CTNNA2: variants seen among roughly 807,000 people sequenced by gnomAD.
The protein encoded by CTNNA2 is catenin alpha 2, also known as catenin alpha-2.
Under a neutral mutation model 101.0 loss-of-function variants are expected in CTNNA2, and 42 were observed. The ratio of observed to expected loss-of-function variants is 0.42; its 90% confidence interval spans 0.32 to 0.54. CTNNA2 has a LOEUF of 0.54. Among genes scored for constraint, CTNNA2 ranks in the 20% least tolerant of loss-of-function variants. CTNNA2 has a pLI of 0.14. For missense variants in CTNNA2, 871 were observed against 1,223.1 expected (o/e 0.71, Z 4.29); for synonymous variants, 450 against 456.4 (o/e 0.99, Z 0.18).
At chr2:79,559,750 A>G (rs1674659800) in intron 1 of CTNNA2, among the ~76,000 whole-genome samples, 3 of 151,888 alleles carry the variant, frequency 2.0e-5, no homozygotes, top group Admixed American at 2.0e-4. Flanking sequence ...AAAAGAGGGC[A>G]GAACTGGAGA....
chr2:79,607,133 G>A (rs950804386), intron 1 of CTNNA2, among the ~76,000 whole-genome samples: 1 of 152,056 alleles, frequency 6.6e-6, no homozygotes, highest in African/African-American at 2.4e-5. Context: ...ATGACTACAC[G>A]AATATTAGAA....
In CTNNA2 at chr2:80,553,965, C is replaced by T. The variant is rs1035076346; in HGVS notation, c.1541-1728C>T. Among the ~76,000 whole-genome samples, 8 of 151,906 alleles carry T rather than the reference C, an allele frequency of 5.3e-5. No individual in the cohort carries two copies. In the East Asian group the frequency reaches 7.7e-4, roughly 15 times the overall value. ...ACTACTTTTTGTGAGTTTTAGAAAT[C>T]GAAATACTAAAATTTAAACGTTTCA... On this transcript the variant is annotated intron_variant, in intron 11 of 18. Coordinates refer to ENST00000402739, the MANE Select transcript of CTNNA2 (RefSeq NM_001282597.3).
At chr2:80,155,530 T>C (rs916881075) in intron 7 of CTNNA2, among the ~76,000 whole-genome samples, 3 of 152,174 alleles carry the variant, frequency 2.0e-5, no homozygotes, top group Admixed American at 6.5e-5. Context: ...TGCCAGTGAC[T>C]TCTTCATTTC....
At chr2:80,214,020 G>C (rs1028982828) in intron 7 of CTNNA2, among the ~76,000 whole-genome samples, 3 of 152,084 alleles carry the variant, frequency 2.0e-5, no homozygotes, top group African/African-American at 7.2e-5. Context: ...TGTTTTATCA[G>C]AGACTAGGAT....
At chr2:79,653,458 T>A (rs1681400512) in intron 2 of CTNNA2, among the ~76,000 whole-genome samples, 1 of 152,154 alleles carries the variant, frequency 6.6e-6, no homozygotes, top group Non-Finnish European at 1.5e-5. Context: ...TCTACAGATC[T>A]TTCTTGGATA....
intron 7 of CTNNA2, among the ~76,000 whole-genome samples, chr2:80,186,508 C>CA (rs1706138433): frequency 6.6e-6 from 1 of 152,198 alleles, no homozygotes; most frequent in African/African-American, 2.4e-5. Flanking sequence ...AGTAGATTGT[C>CA]ACGGCAGGTG....
intron 1 of CTNNA2, among the ~76,000 whole-genome samples, chr2:79,532,544 T>G (rs1672809473): frequency 6.6e-6 from 1 of 152,194 alleles, no homozygotes; most frequent in African/African-American, 2.4e-5. Context: ...AACTAATTGA[T>G]TTTTCTTTCA....
intron 4 of CTNNA2, among the ~76,000 whole-genome samples, chr2:79,399,481 G>A (rs1293306491): frequency 2.6e-5 from 4 of 152,062 alleles, no homozygotes; most frequent in Non-Finnish European, 4.4e-5. Context: ...AAGCATTTAA[G>A]ATGTTCTCTA....
intron 7 of CTNNA2, among the ~76,000 whole-genome samples, chr2:80,218,243 A>G (rs1708383651): frequency 6.6e-6 from 1 of 152,204 alleles, no homozygotes; most frequent in Non-Finnish European, 1.5e-5. Flanking sequence ...TTGGAAGGCA[A>G]GAAGAAAATG....
chr2:80,337,025 C>T (rs1671811167), intron 7 of CTNNA2, among the ~76,000 whole-genome samples: 1 of 152,158 alleles, frequency 6.6e-6, no homozygotes, highest in Non-Finnish European at 1.5e-5. Flanking sequence ...AGGCAAATTA[C>T]CTGGAAATGT....
At chr2:80,187,621 G>GAAA (rs1706213348) in intron 7 of CTNNA2, among the ~76,000 whole-genome samples, 2 of 152,154 alleles carry the variant, frequency 1.3e-5, no homozygotes, top group Admixed American at 6.5e-5. Flanking sequence ...GGCTACCATT[G>GAAA]AACTTTACAA....
intron 2 of CTNNA2, among the ~76,000 whole-genome samples, chr2:79,304,324 T>C (rs1267564298): frequency 6.6e-6 from 1 of 152,210 alleles, no homozygotes; most frequent in Non-Finnish European, 1.5e-5. Context: ...CATGTAACTC[T>C]AGAGAAGGAA....
intron 4 of CTNNA2, among the ~76,000 whole-genome samples, chr2:79,389,947 T>C (rs2104471064): frequency 6.6e-6 from 1 of 152,312 alleles, no homozygotes; most frequent in East Asian, 1.9e-4. Context: ...GAATAAGCAT[T>C]CTAGGAAGCA....
chr2:79,942,373 C>T (rs1688217388), intron 7 of CTNNA2, among the ~76,000 whole-genome samples: 1 of 152,152 alleles, frequency 6.6e-6, no homozygotes, highest in Non-Finnish European at 1.5e-5. Flanking sequence ...TATATGGCTG[C>T]CCATCATGCC....
intron 7 of CTNNA2, among the ~76,000 whole-genome samples, chr2:80,276,219 TA>T (rs1277249755): frequency 6.6e-6 from 1 of 152,168 alleles, no homozygotes; most frequent in East Asian, 1.9e-4. Flanking sequence ...AACTATTGAG[TA>T]GTTCTGAAAC....
At chr2:80,112,069 AC>A (rs1397727674) in intron 7 of CTNNA2, among the ~76,000 whole-genome samples, 4 of 152,114 alleles carry the variant, frequency 2.6e-5, no homozygotes, top group Non-Finnish European at 5.9e-5. Flanking sequence ...AATTTAGTAA[AC>A]TGTTTATAAC....
Position 80,608,216 on chromosome 2 carries a change from A to G in CTNNA2, c.2328A>G (p.Leu776=). The G allele has an allele frequency of 6.2e-7, 1 of 1,610,864 alleles. No homozygotes were observed. The highest frequency in any genetic ancestry group is 8.5e-7 in the Non-Finnish European group (1 of 1,177,790). ...CPDSACKQDL[L]AYLQRIALYC... ...ATTCAGCATGTAAGCAGGATTTATT[A>G]GCCTACCTTCAACGAATTGCCTTGT... The change falls in exon 17 of 19, where the codon TTA becomes TTG. Residue 776 remains leucine, a synonymous_variant. Coordinates refer to ENST00000402739, the MANE Select transcript of CTNNA2 (RefSeq NM_001282597.3).
rs753633073 is a variant in CTNNA2 at position 79,311,408 on chromosome 2, C to CAAAAAAAAAAA, written c.-405-1289_-405-1279dup. Among the ~76,000 whole-genome samples the CAAAAAAAAAAA allele has an allele frequency of 6.1e-3, 409 of 67,014 alleles. 15 individuals are homozygous for CAAAAAAAAAAA. Among genetic ancestry groups the CAAAAAAAAAAA allele is most frequent in the Middle Eastern group, 0.025 (3 of 122 alleles). 44.0% of individuals were successfully genotyped at this position (67,014 alleles called of 152,430 possible). On this transcript the variant is annotated intron_variant, in intron 2 of 21. Transcript: ENST00000466387. The stretch of plus-strand genomic sequence containing the variant: ...TGGGCGACAGGGCTAGACTCCGTCT[C>CAAAAAAAAAAA]AAAAAAAAAAAAAAAAAAAAAAGAG...
At chr2:80,397,018 C>G (rs1185034715) in intron 8 of CTNNA2, among the ~76,000 whole-genome samples, 2 of 152,106 alleles carry the variant, frequency 1.3e-5, no homozygotes, top group Non-Finnish European at 2.9e-5. Context: ...AATCAATAAG[C>G]AAAACATGTT....
Sources: allele counts gnomAD v4.1 joint callset (sites outside exome capture counted in the v4.1 genomes callset), GRCh38; gene constraint gnomAD v4.1.1; transcripts MANE v1.5; gene names NCBI Gene and HGNC (gene_info 2026-07-23, HGNC 2026-07-21).